Variants in CLYBL observed in about 807,000 individuals in gnomAD.
CLYBL encodes citramalyl-CoA lyase, mitochondrial.
Under a neutral mutation model 38.9 loss-of-function variants are expected in CLYBL, and 31 were observed. The ratio of observed to expected loss-of-function variants is 0.80; its 90% CI spans 0.60 to 1.08. The LOEUF (loss-of-function observed/expected upper bound fraction) is 1.08, where lower values mean the gene tolerates loss of function less well. Ranked by LOEUF, CLYBL falls within the 50% of genes least tolerant of loss-of-function variation. The pLI, the probability that CLYBL is intolerant of heterozygous loss-of-function variation, is 0.00. For missense variants in CLYBL, 434 were observed against 411.6 expected (o/e 1.05, Z -0.47); for synonymous variants, 171 against 158.6 (o/e 1.08, Z -0.59).
chr13:99,713,064 A>T (rs1025636951), intron 1 of CLYBL, among the ~76,000 whole-genome samples: 5 of 152,148 alleles, frequency 3.3e-5, no homozygotes, highest in Non-Finnish European at 7.3e-5. Context: ...TGTTAAAGGC[A>T]TTGCTCCCTT....
intron 1 of CLYBL, among the ~76,000 whole-genome samples, chr13:99,734,580 CG>C (rs1018922443): frequency 2.0e-5 from 3 of 152,130 alleles, no homozygotes; most frequent in African/African-American, 7.2e-5. Context: ...GGCCCATACA[CG>C]GGGCTGGGAT....
chr13:99,906,122 T>C (rs1331595357), intron 9 of CLYBL, among the ~76,000 whole-genome samples: 1 of 152,206 alleles, frequency 6.6e-6, no homozygotes, highest in Non-Finnish European at 1.5e-5. Flanking sequence ...GAAGTTTGCC[T>C]CCATTTGGTT....
chr13:99,847,577 C>T (rs1287655765), intron 2 of CLYBL, among the ~76,000 whole-genome samples: 1 of 152,214 alleles, frequency 6.6e-6, no homozygotes, highest in Non-Finnish European at 1.5e-5. Flanking sequence ...AATTAGAAGG[C>T]ACGTGCCAGG....
intron 1 of CLYBL, among the ~76,000 whole-genome samples, chr13:99,661,059 G>A (rs2139331498): frequency 6.6e-6 from 1 of 152,098 alleles, no homozygotes; most frequent in East Asian, 1.9e-4. Context: ...TTAAAAATAT[G>A]CTATTTTAAT....
intron 1 of CLYBL, among the ~76,000 whole-genome samples, chr13:99,641,407 C>T (rs551590904): frequency 1.2e-4 from 18 of 152,248 alleles, no homozygotes; most frequent in African/African-American, 3.9e-4. Flanking sequence ...CAGTGGCTCA[C>T]GCCTGTAATC....
At chr13:99,616,978 A>G (rs1196884129) in intron 1 of CLYBL, among the ~76,000 whole-genome samples, 1 of 151,726 alleles carries the variant, frequency 6.6e-6, no homozygotes, top group Non-Finnish European at 1.5e-5. Flanking sequence ...AATAGTAATA[A>G]TAATAATATA....
At chr13:99,774,003 G>A (rs2049456584) in intron 2 of CLYBL, among the ~76,000 whole-genome samples, 1 of 151,840 alleles carries the variant, frequency 6.6e-6, no homozygotes, top group Non-Finnish European at 1.5e-5. Context: ...GCCAAGATAG[G>A]AGCATCACTT....
intron 1 of CLYBL, among the ~76,000 whole-genome samples, chr13:99,730,916 C>T (rs7320067): frequency 1.3e-5 from 2 of 151,836 alleles, no homozygotes; most frequent in Non-Finnish European, 2.9e-5. Context: ...AACCCCTTCT[C>T]TACTAAAAAT....
chr13:99,641,653 A>G (rs1365898837), intron 1 of CLYBL, among the ~76,000 whole-genome samples: 1 of 151,708 alleles, frequency 6.6e-6, no homozygotes, highest in Non-Finnish European at 1.5e-5. Context: ...AAATACAAAA[A>G]AAAAAAAAAT....
Position 99,613,034 on chromosome 13 carries a change from A to T in CLYBL, c.62+6277A>T, listed in dbSNP as rs994020645. Among the ~76,000 whole-genome samples, 87 of 94,784 alleles carry T rather than the reference A, an allele frequency of 9.2e-4. 4 individuals carry two copies. Among genetic ancestry groups the T allele is most frequent in the African/African-American group, 4.9e-3 (81 of 16,616 alleles). 62.2% of individuals were successfully genotyped at this position (94,784 alleles called of 152,430 possible). A position where few individuals can be genotyped will look rare whatever the true frequency, so the allele number is the denominator to read the frequency against. ...TATTAAAAATAGTGATGATAATAATAATAATAATAATAATAATAATAATAA... is the reference window on the plus strand; with the variant it reads ...TATTAAAAATAGTGATGATAATAATTATAATAATAATAATAATAATAATAA... On this transcript the variant is annotated intron_variant, in intron 1 of 8. Transcript: ENST00000339105.
chr13:99,893,182 C>G (rs2052525834), downstream of CLYBL: 1 of 152,374 alleles, frequency 6.6e-6, no homozygotes, highest in South Asian at 2.1e-4. Context: ...CATCCTCACT[C>G]AGAGGCCGGA....
chr13:99,820,158 G>A (rs1169524998), intron 2 of CLYBL, among the ~76,000 whole-genome samples: 2 of 152,094 alleles, frequency 1.3e-5, no homozygotes, highest in Non-Finnish European at 2.9e-5. Flanking sequence ...ATAGGATGAG[G>A]GAGCTGACAC....
intron 2 of CLYBL, among the ~76,000 whole-genome samples, chr13:99,838,936 G>A (rs1735589678): frequency 6.6e-6 from 1 of 152,228 alleles, no homozygotes; most frequent in African/African-American, 2.4e-5. Context: ...ACGGCGCCTG[G>A]CCTACATTTC....
chr13:99,749,476 C>A (rs1422156625), intron 1 of CLYBL, among the ~76,000 whole-genome samples: 1 of 152,104 alleles, frequency 6.6e-6, no homozygotes, highest in Non-Finnish European at 1.5e-5. Context: ...TACCAGGAAC[C>A]CCACAATAGC....
At chr13:99,880,639 G>A (rs2052180937) in intron 7 of CLYBL, among the ~76,000 whole-genome samples, 3 of 152,172 alleles carry the variant, frequency 2.0e-5, no homozygotes, top group Admixed American at 2.0e-4. Context: ...GCAGCCACAG[G>A]CTACTGAGAG....
chr13:99,652,808 G>A (rs912597220), intron 1 of CLYBL, among the ~76,000 whole-genome samples: 2 of 152,236 alleles, frequency 1.3e-5, no homozygotes, highest in Non-Finnish European at 2.9e-5. Flanking sequence ...CGGAGGTGAG[G>A]ATGCTACTGA....
chr13:99,615,883 G>T (rs1380559327), intron 1 of CLYBL, among the ~76,000 whole-genome samples: 1 of 152,124 alleles, frequency 6.6e-6, no homozygotes, highest in African/African-American at 2.4e-5. Flanking sequence ...GCTCAGGCTG[G>T]AGTGCAGTGG....
At chr13:99,637,526 C>T (rs199827027) in intron 1 of CLYBL, among the ~76,000 whole-genome samples, 11 of 152,216 alleles carry the variant, frequency 7.2e-5, no homozygotes, top group African/African-American at 2.2e-4. Context: ...TTTGGGAGGC[C>T]GAGGCGGGTG....
At chr13:99,635,906 C>A (rs2047011901) in intron 1 of CLYBL, among the ~76,000 whole-genome samples, 1 of 152,112 alleles carries the variant, frequency 6.6e-6, no homozygotes, top group African/African-American at 2.4e-5. Context: ...TGGTGTGGTT[C>A]CTATTATAGC....
Sources: allele counts gnomAD v4.1 joint callset (sites outside exome capture counted in the v4.1 genomes callset), GRCh38; gene constraint gnomAD v4.1.1; transcripts MANE v1.5; gene names NCBI Gene and HGNC (gene_info 2026-07-23, HGNC 2026-07-21).